Variants in INAVA observed in about 807,000 individuals in gnomAD.
INAVA encodes innate immunity activator protein.
A neutral mutation model predicts 55.3 loss-of-function variants in INAVA; 32 were observed. The ratio of observed to expected loss-of-function variants is 0.58; its 90% CI spans 0.44 to 0.78. INAVA has a LOEUF of 0.78. Among genes scored for constraint, INAVA ranks in the 30% least tolerant of loss-of-function variants. The pLI is 0.00. For synonymous variants in INAVA, 294 were observed against 329.4 expected (o/e 0.89, Z 1.16); for missense variants, 756 against 786.4 (o/e 0.96, Z 0.46).
rs1220780880 is a variant in INAVA, at chr1:200,912,075, C to T, written c.1582C>T (p.Arg528Trp). Reference protein sequence around the residue: ...PHSLDRQGAFRVRSLPLGREG... With the variant: ...PHSLDRQGAFWVRSLPLGREG... ...CTCACTGGACCGCCAAGGAGCTTTC[C>T]GGGTCAGGAGCCTGCCCCTTGGGAG... The change falls in exon 9 of 10, where the codon CGG becomes TGG. Residue 528 changes from arginine to tryptophan, a missense_variant. Arg to Trp is a moderately radical substitution (Grantham distance 101, BLOSUM62 -3). This residue lies in a region of INAVA where 117 missense variants were observed against 162.1 expected (regional missense o/e 0.72). Coordinates refer to ENST00000413687, the MANE Select transcript of INAVA (RefSeq NM_001142569.3). 4.5e-6 allele frequency: 7 copies of T among 1,548,728 alleles called. No homozygotes were observed. The highest frequency in any genetic ancestry group is 1.2e-5 in the South Asian group (1 of 84,042).
Position 200,907,909 on chromosome 1 carries a change from C to T in INAVA, c.574+22C>T, listed in dbSNP as rs376632322. Reference sequence around the variant, plus strand: ...GAAGGTGAGAAGGACGTTTGGGGGACTATTGTCAAGGCTGGACTCCTACTG... The same window carrying T: ...GAAGGTGAGAAGGACGTTTGGGGGATTATTGTCAAGGCTGGACTCCTACTG... On this transcript the variant is annotated intron_variant, in intron 6 of 9. Transcript: ENST00000413687. 13 of 1,604,670 alleles carry T rather than the reference C, an allele frequency of 8.1e-6. No homozygotes were observed. The African/African-American group carries it at 1.7e-4, about 21-fold the overall frequency.
At chr1:200,911,332 A>T in intron 8 of INAVA, 121 bp from the exon 9 acceptor site, 1 of 939,770 alleles carries the variant, frequency 1.1e-6, no homozygotes. Flanking sequence ...CCCTTGCACG[A>T]GGGCCATGCT....
Position 200,911,588 on chromosome 1 carries a change from C to T in INAVA, c.1095C>T (p.Cys365=). The change falls in exon 9 of 10, where the codon TGC becomes TGT. Residue 365 remains cysteine (C), a synonymous_variant. Transcript: ENST00000413687. The stretch of plus-strand genomic sequence containing the variant: ...AGCCCCCGCTGCCCCACGCCGCCTG[C>T]CACTCCTGCTCAGAAGACAGTGGCT... ...ATKPPLPHAA[C]HSCSEDSGSD... is the part of the protein sequence containing the mutation. The T allele has an allele frequency of 1.2e-6, 2 of 1,613,984 alleles. No homozygotes were observed. The highest frequency in any genetic ancestry group is 2.2e-5 in the South Asian group (2 of 91,078).
intron 2 of INAVA, 21 bp downstream of exon 2, chr1:200,898,476 C>A: frequency 6.2e-7 from 1 of 1,612,430 alleles, no homozygotes; most frequent in Non-Finnish European, 8.5e-7. Flanking sequence ...AGGGAAATCC[C>A]CCTGCCCTAG....
chr1:200,898,284 A>G (rs1292809176), intron 1 of INAVA, 23 bp from the exon 2 acceptor site: 34 of 1,598,262 alleles, frequency 2.1e-5, no homozygotes, highest in Non-Finnish European at 2.9e-5. Context: ...CTTTTTTGTT[A>G]TTGTTCTCTT....
chr1:200,899,848 A>G (rs1653156782), intron 3 of INAVA, among the ~76,000 whole-genome samples: 2 of 152,228 alleles, frequency 1.3e-5, no homozygotes, highest in Admixed American at 1.3e-4. Flanking sequence ...GACTGCACAG[A>G]CATAAGTGCA....
rs1411733350 is a variant in INAVA at position 200,913,622 on chromosome 1, A to T, written c.1730A>T (p.Gln577Leu). ...CCTGAAAAAGGAGAGATCATCAGCCAGGTGTAACTCTGCGCCCCACGCTGG... is the reference window on the plus strand; with the variant it reads ...CCTGAAAAAGGAGAGATCATCAGCCTGGTGTAACTCTGCGCCCCACGCTGG... ...FVPEKGEIIS[Q>L]V Residue 577 changes from glutamine to leucine, a missense_variant, in exon 10 of 10, where the codon CAG becomes CTG. This residue lies in a region of INAVA where 117 missense variants were observed against 162.1 expected (regional missense o/e 0.72). Coordinates refer to ENST00000413687, the MANE Select transcript of INAVA (RefSeq NM_001142569.3). 6.2e-7 allele frequency: 1 copy of T among 1,613,784 alleles called. No individual in the cohort carries two copies. Among genetic ancestry groups the T allele is most frequent in the South Asian group, 1.1e-5 (1 of 91,066 alleles).
rs377257615 is a variant in INAVA at position 200,895,048 on chromosome 1, G to A, written c.-134G>A. Reference sequence around the variant, plus strand: ...GCCCTGAGCCCCCTGACTGGAAGCAGGGGCTGTTTTTCAACTCCTGGACTA... The same window carrying A: ...GCCCTGAGCCCCCTGACTGGAAGCAAGGGCTGTTTTTCAACTCCTGGACTA... On this transcript the variant is annotated 5_prime_UTR_variant, in exon 1 of 10. Coordinates refer to ENST00000413687, the MANE Select transcript of INAVA (RefSeq NM_001142569.3). 1.0e-6 allele frequency: 1 copy of A among 985,574 alleles called. No individual in the cohort carries two copies. The highest frequency in any genetic ancestry group is 1.2e-6 in the Non-Finnish European group (1 of 830,148). 61.1% of individuals were successfully genotyped at this position (985,574 alleles called of 1,614,324 possible). A position where few individuals can be genotyped will look rare whatever the true frequency, so the allele number is the denominator to read the frequency against.
intron 6 of INAVA, 128 bp downstream of exon 6, chr1:200,908,015 G>A (rs1653565890): frequency 1.1e-5 from 7 of 657,720 alleles, no homozygotes; most frequent in East Asian, 5.3e-5. Flanking sequence ...TAGGGTTTCC[G>A]CTTGGACTTC....
rs924479203 is a variant in INAVA, at chr1:200,899,986, G to T, written c.181-118G>T. ...GACAGTGTGGAGGATGGGATGAGGT[G>T]GGGTGGAGGGTGGTCCCACCAGGGC... On this transcript the variant is annotated intron_variant, in intron 3 of 9. Coordinates refer to ENST00000413687, the MANE Select transcript of INAVA (RefSeq NM_001142569.3). 1.0e-5 allele frequency: 8 copies of T among 767,236 alleles called. No individual in the cohort carries two copies. The African/African-American group carries it at 1.4e-4, about 13-fold the overall frequency. 47.5% of individuals were successfully genotyped at this position (767,236 alleles called of 1,614,324 possible). A position where few individuals can be genotyped will look rare whatever the true frequency, so the allele number is the denominator to read the frequency against.
At chr1:200,895,172 C>T in intron 1 of INAVA, 85 bp downstream of exon 1, 5 of 945,716 alleles carry the variant, frequency 5.3e-6, no homozygotes, top group Non-Finnish European at 6.3e-6. Context: ...TGGCCATCAC[C>T]CCCCTCCGAC....
intron 5 of INAVA, among the ~76,000 whole-genome samples, chr1:200,904,972 C>A (rs1255302661): frequency 6.6e-6 from 1 of 152,170 alleles, no homozygotes; most frequent in Non-Finnish European, 1.5e-5. Context: ...TCTCAAACTC[C>A]TGGTCTTAAG....
rs1334965534 is a variant in INAVA at position 200,913,715 on chromosome 1, C to T, written c.*86C>T. ...CCCTGAGTGCCTCTTTCAGCTCCCC[C>T]ATCCCCATCGCAGGCCGATGACCTG... is the stretch of plus-strand genomic sequence containing the variant. On this transcript the variant is annotated 3_prime_UTR_variant, in exon 10 of 10. Coordinates refer to ENST00000413687, the MANE Select transcript of INAVA (RefSeq NM_001142569.3). 8.9e-7 allele frequency: 1 copy of T among 1,121,994 alleles called. No individual in the cohort carries two copies. Among genetic ancestry groups the T allele is most frequent in the South Asian group, 1.3e-5 (1 of 74,326 alleles). The allele number at this position is 1,121,994 out of a possible 1,614,324, so 69.5% of individuals were successfully genotyped here. A position where few individuals can be genotyped will look rare whatever the true frequency, so the allele number is the denominator to read the frequency against.
chr1:200,895,051 G>C lies in INAVA; in HGVS notation c.-131G>C. 3 of 985,698 alleles carry C rather than the reference G, an allele frequency of 3.0e-6. No homozygotes were observed. Among genetic ancestry groups the C allele is most frequent in the Non-Finnish European group, 3.6e-6 (3 of 830,166 alleles). The allele number at this position is 985,698 out of a possible 1,614,324, so 61.1% of individuals were successfully genotyped here. ...CTGAGCCCCCTGACTGGAAGCAGGGGCTGTTTTTCAACTCCTGGACTAAAG... is the reference window on the plus strand; with the variant it reads ...CTGAGCCCCCTGACTGGAAGCAGGGCCTGTTTTTCAACTCCTGGACTAAAG... On this transcript the variant is annotated 5_prime_UTR_variant, in exon 1 of 10. Coordinates refer to ENST00000413687, the MANE Select transcript of INAVA (RefSeq NM_001142569.3).
At chr1:200,913,483 C>G (rs375911642) in intron 9 of INAVA, 54 bp from the exon 10 acceptor site, 1 of 1,434,096 alleles carries the variant, frequency 7.0e-7, no homozygotes, top group Non-Finnish European at 9.8e-7. Context: ...CTGCTGTCCC[C>G]GCTTTTCTGC....
At chr1:200,891,541 A>G, upstream of INAVA, 1 of 1,602,582 alleles carries the variant, frequency 6.2e-7, no homozygotes, top group Non-Finnish European at 8.5e-7. Context: ...AACATTTGGG[A>G]TGCTGCAAAT....
At chr1:200,911,184 T>C (rs982570784) in intron 8 of INAVA, among the ~76,000 whole-genome samples, 1 of 150,796 alleles carries the variant, frequency 6.6e-6, no homozygotes, top group African/African-American at 2.5e-5. Flanking sequence ...AATGTGCTAC[T>C]TGATGTAGCA....
chr1:200,902,849 T>C (rs1008974831), intron 5 of INAVA: 1 of 152,226 alleles, frequency 6.6e-6, no homozygotes, highest in African/African-American at 2.4e-5. Flanking sequence ...GATGCTGCCA[T>C]TGTGACCCAT....
intron 8 of INAVA, among the ~76,000 whole-genome samples, chr1:200,910,009 A>G (rs937057544): frequency 6.6e-6 from 1 of 152,210 alleles, no homozygotes; most frequent in Non-Finnish European, 1.5e-5. Flanking sequence ...CCTAGCACAC[A>G]TATTTTCTCC....
Sources: allele counts gnomAD v4.1 joint callset (sites outside exome capture counted in the v4.1 genomes callset), GRCh38; gene constraint gnomAD v4.1.1; regional missense constraint gnomAD v4.1.1; transcripts MANE v1.5; gene names NCBI Gene and HGNC (gene_info 2026-07-23, HGNC 2026-07-21).